The following ADAM29 variants were observed in gnomAD, a reference collection of about 807,000 sequenced individuals.
The protein encoded by ADAM29 is ADAM metallopeptidase domain 29.
For missense variants in ADAM29, 969 were observed against 1,001.8 expected, an observed-to-expected ratio of 0.97 and a Z score of 0.44; for synonymous variants, 367 against 342.3, an observed-to-expected ratio of 1.07 and a Z score of -0.80.
rs1370176182 is a variant in ADAM29 at position 174,976,986 on chromosome 4, T to C, written c.1461T>C (p.Cys487=). 1 of 1,614,008 alleles carries C rather than the reference T, an allele frequency of 6.2e-7. No individual in the cohort carries two copies. The highest frequency in any genetic ancestry group is 8.5e-7 in the Non-Finnish European group (1 of 1,180,030). ...TTTATGTGGAAGATGGAATTCCCTG[T>C]AAGGAGAGGGGCTACTGCTATGAAA... ...DDFYVEDGIP[C]KERGYCYEKS... Residue 487 remains cysteine (C), a synonymous_variant, in exon 5 of 5, where the codon TGT becomes TGC. Transcript: ENST00000359240.
At chr4:174,945,139 T>G (rs900857801) in intron 4 of ADAM29, among the ~76,000 whole-genome samples, 1 of 152,212 alleles carries the variant, frequency 6.6e-6, no homozygotes. Flanking sequence ...CATTCCCTTT[T>G]CTTCACAACC....
chr4:174,950,129 A>G (rs986067676), intron 4 of ADAM29, among the ~76,000 whole-genome samples: 10 of 152,206 alleles, frequency 6.6e-5, no homozygotes, highest in Non-Finnish European at 1.2e-4. Context: ...TATTGATTTT[A>G]CCAGGATTCT....
At chr4:174,927,910 A>G (rs1467905136) in intron 2 of ADAM29, among the ~76,000 whole-genome samples, 1 of 152,122 alleles carries the variant, frequency 6.6e-6, no homozygotes, top group Non-Finnish European at 1.5e-5. Context: ...AGGGACATGC[A>G]TTTGATCCAA....
chr4:174,965,328 C>T (rs1179962073), intron 4 of ADAM29, among the ~76,000 whole-genome samples: 1 of 152,058 alleles, frequency 6.6e-6, no homozygotes, highest in African/African-American at 2.4e-5. Flanking sequence ...ACAGTGAGAA[C>T]TCACTCCCCC....
At chr4:174,959,129 C>T (rs981712199) in intron 4 of ADAM29, among the ~76,000 whole-genome samples, 4 of 151,654 alleles carry the variant, frequency 2.6e-5, no homozygotes, top group African/African-American at 9.7e-5. Context: ...TCCGGAAAAA[C>T]TTTTTTTAAC....
chr4:174,962,338 C>A (rs1473183062), intron 4 of ADAM29, among the ~76,000 whole-genome samples: 1 of 151,812 alleles, frequency 6.6e-6, no homozygotes, highest in Non-Finnish European at 1.5e-5. Flanking sequence ...GGTGAAACCC[C>A]GTCTCTACTA....
chr4:174,931,306 G>T (rs935407271), intron 3 of ADAM29, 132 bp downstream of exon 3: 3 of 152,028 alleles, frequency 2.0e-5, no homozygotes, highest in Admixed American at 2.0e-4. Context: ...CATGAGAGGT[G>T]AAAAAATGTG....
intron 4 of ADAM29, among the ~76,000 whole-genome samples, chr4:174,963,095 C>A (rs1360846972): frequency 6.6e-6 from 1 of 151,880 alleles, no homozygotes; most frequent in Non-Finnish European, 1.5e-5. Context: ...TGAATCTAAT[C>A]AAAATTCTAA....
chr4:174,959,038 T>G (rs1745663363), intron 4 of ADAM29, among the ~76,000 whole-genome samples: 2 of 151,858 alleles, frequency 1.3e-5, no homozygotes, highest in South Asian at 4.1e-4. Flanking sequence ...ACAAGACAAA[T>G]AAAATATTTC....
intron 4 of ADAM29, among the ~76,000 whole-genome samples, chr4:174,954,882 T>C (rs1199073905): frequency 6.6e-6 from 1 of 152,190 alleles, no homozygotes; most frequent in Non-Finnish European, 1.5e-5. Context: ...ATTTCTAGTA[T>C]ATTCTGAAAT....
At position 174,975,704 on chromosome 4, in the gene ADAM29, G is replaced by T. The variant is rs1746730128; in HGVS notation, c.179G>T (p.Gly60Val). ...CTCTCCTATATCCTGCCCTTTGGAGGCCAGAAACACATTATCCACATAAAG... is the reference window on the plus strand; with the variant it reads ...CTCTCCTATATCCTGCCCTTTGGAGTCCAGAAACACATTATCCACATAAAG... The part of the protein sequence containing the change: ...GWLSYILPFG[G>V]QKHIIHIKVK... The change falls in exon 5 of 5, where the codon GGC (glycine) becomes GTC (valine). Residue 60 changes from glycine to valine, a missense_variant. Coordinates refer to ENST00000359240, the MANE Select transcript of ADAM29 (RefSeq NM_014269.4). 1 of 1,611,382 alleles carries T rather than the reference G, an allele frequency of 6.2e-7. No individual in the cohort carries two copies. The highest frequency in any genetic ancestry group is 8.5e-7 in the Non-Finnish European group (1 of 1,178,890).
chr4:174,959,983 G>C (rs1166992209), intron 4 of ADAM29, among the ~76,000 whole-genome samples: 1 of 151,920 alleles, frequency 6.6e-6, no homozygotes, highest in Non-Finnish European at 1.5e-5. Flanking sequence ...TTTTTACAAT[G>C]AATCCAATAA....
At chr4:174,925,718 G>C (rs1743478565) in intron 2 of ADAM29, among the ~76,000 whole-genome samples, 1 of 152,166 alleles carries the variant, frequency 6.6e-6, no homozygotes, top group South Asian at 2.1e-4. Flanking sequence ...AAAGGAAGTG[G>C]CTACCCACGT....
chr4:174,940,160 G>A (rs1744445879), intron 4 of ADAM29, among the ~76,000 whole-genome samples: 1 of 152,142 alleles, frequency 6.6e-6, no homozygotes, highest in Non-Finnish European at 1.5e-5. Flanking sequence ...TTCCAGGGCT[G>A]TGGGAAGTGA....
At chr4:174,974,945 C>T (rs1379385596) in intron 4 of ADAM29, among the ~76,000 whole-genome samples, 1 of 152,130 alleles carries the variant, frequency 6.6e-6, no homozygotes, top group Non-Finnish European at 1.5e-5. Flanking sequence ...AATAGAAAAT[C>T]TATTAATGCT....
At chr4:174,919,482 T>G (rs910160293) in intron 1 of ADAM29, among the ~76,000 whole-genome samples, 9 of 152,126 alleles carry the variant, frequency 5.9e-5, no homozygotes, top group African/African-American at 2.2e-4. Flanking sequence ...ACTAGGTCCT[T>G]TGTTCAGGGT....
chr4:174,930,170 T>A (rs1743779267), intron 2 of ADAM29, among the ~76,000 whole-genome samples: 1 of 152,158 alleles, frequency 6.6e-6, no homozygotes, highest in South Asian at 2.1e-4. Flanking sequence ...CCTCAAGTAA[T>A]CTGCCCACTT....
intron 3 of ADAM29, among the ~76,000 whole-genome samples, chr4:174,931,789 A>G (rs1480696297): frequency 6.7e-6 from 1 of 150,342 alleles, no homozygotes; most frequent in East Asian, 2.0e-4. Flanking sequence ...TACCTACCAT[A>G]ATTTATACCC....
At chr4:174,932,302 A>G (rs929658775) in intron 3 of ADAM29, among the ~76,000 whole-genome samples, 7 of 152,044 alleles carry the variant, frequency 4.6e-5, no homozygotes, top group Admixed American at 1.3e-4. Context: ...AAGAAGAAAA[A>G]AAAAGGAATG....
Sources: gnomAD v4.1 joint callset for allele counts (sites outside exome capture counted in the v4.1 genomes callset) on GRCh38, gnomAD v4.1.1 for gene constraint, MANE v1.5 for transcripts, NCBI Gene and HGNC (gene_info 2026-07-23, HGNC 2026-07-21) for gene names.